SIPA1L1: variants seen among roughly 807,000 people sequenced by gnomAD.
SIPA1L1 encodes signal-induced proliferation-associated 1-like protein 1.
SIPA1L1 carries 26 observed loss-of-function variants against 162.7 expected under a neutral mutation model. The ratio of observed to expected loss-of-function variants is 0.16; its 90% CI spans 0.12 to 0.22. SIPA1L1 has a LOEUF of 0.22. SIPA1L1 is among the 10% of genes least tolerant of loss of function. The probability of loss-of-function intolerance (pLI) is 1.00; values close to 1 mark genes in which losing one functional copy is unlikely to be tolerated. For missense variants in SIPA1L1, 1,874 were observed against 2,241.0 expected (o/e 0.84, Z 3.31); for synonymous variants, 829 against 837.4 (o/e 0.99, Z 0.17).
At chr14:71,367,698 C>T (rs1374362870) in intron 2 of SIPA1L1, among the ~76,000 whole-genome samples, 3 of 150,672 alleles carry the variant, frequency 2.0e-5, no homozygotes, top group East Asian at 2.0e-4. Flanking sequence ...CCTCTGCCTC[C>T]GGGGTTCAAG....
chr14:71,581,983 A>G (rs1254045536), intron 4 of SIPA1L1, among the ~76,000 whole-genome samples: 2 of 151,750 alleles, frequency 1.3e-5, no homozygotes, highest in African/African-American at 2.4e-5. Flanking sequence ...AATGTAAGAG[A>G]TAAACATTGA....
At chr14:71,551,098 A>G (rs938995819) in intron 4 of SIPA1L1, among the ~76,000 whole-genome samples, 18 of 152,144 alleles carry the variant, frequency 1.2e-4, no homozygotes, top group African/African-American at 4.3e-4. Context: ...TTCCTTTATG[A>G]TATTTAGTCA....
chr14:71,600,694 T>C (rs992615354), intron 5 of SIPA1L1, among the ~76,000 whole-genome samples: 1 of 152,210 alleles, frequency 6.6e-6, no homozygotes, highest in African/African-American at 2.4e-5. Context: ...ATTTTAATGA[T>C]AATAATTCTT....
intron 13 of SIPA1L1, among the ~76,000 whole-genome samples, chr14:71,690,866 T>C (rs2081204657): frequency 7.9e-5 from 12 of 152,244 alleles, no homozygotes; most frequent in Admixed American, 7.8e-4. Context: ...ACTTTTCATA[T>C]TCCTGACTAC....
chr14:71,372,795 T>A (rs945778227), intron 2 of SIPA1L1, among the ~76,000 whole-genome samples: 1 of 152,196 alleles, frequency 6.6e-6, no homozygotes, highest in Admixed American at 6.5e-5. Flanking sequence ...TCACAGATTA[T>A]GCTTTACAAA....
intron 7 of SIPA1L1, among the ~76,000 whole-genome samples, chr14:71,633,810 A>G (rs1246440245): frequency 6.6e-6 from 1 of 152,226 alleles, no homozygotes. Flanking sequence ...ACTGGGGGAA[A>G]CAAATGAACA....
At chr14:71,526,779 T>C (rs1046862707) in intron 3 of SIPA1L1, among the ~76,000 whole-genome samples, 2 of 152,210 alleles carry the variant, frequency 1.3e-5, no homozygotes, top group Non-Finnish European at 2.9e-5. Flanking sequence ...ATATGAATAT[T>C]CCACAATTTG....
At chr14:71,709,687 T>C in intron 17 of SIPA1L1, 23 bp downstream of exon 17, 3 of 1,591,296 alleles carry the variant, frequency 1.9e-6, no homozygotes, top group Non-Finnish European at 2.6e-6. Context: ...CCCCGCTGTC[T>C]GATTCCCAGC....
intron 10 of SIPA1L1, among the ~76,000 whole-genome samples, chr14:71,670,705 G>A (rs936668484): frequency 2.0e-5 from 3 of 152,176 alleles, no homozygotes; most frequent in Non-Finnish European, 4.4e-5. Flanking sequence ...ACACATTTGT[G>A]TTCTCACAGA....
chr14:71,564,633 A>G (rs571637832), intron 4 of SIPA1L1, among the ~76,000 whole-genome samples: 2 of 151,872 alleles, frequency 1.3e-5, no homozygotes, highest in African/African-American at 4.8e-5. Flanking sequence ...GATTACAGGC[A>G]TGTGCCACCA....
In SIPA1L1 at chr14:71,739,137, C is replaced by T. The variant is rs144388709; in HGVS notation, c.5328C>T (p.Val1776=). 4.4e-5 allele frequency: 71 copies of T among 1,613,740 alleles called. No homozygotes were observed. In the African/African-American group the frequency reaches 8.0e-4, roughly 18 times the overall value. ...SDKLKKFTEW[V]FNTIDMS ...AGCTGAAGAAGTTCACAGAATGGGT[C>T]TTCAACACCATAGACATGAGCTAGG... The change falls in exon 24 of 24, where the codon GTC becomes GTT. Residue 1776 remains valine, a synonymous_variant. Coordinates refer to ENST00000381232, the MANE Select transcript of SIPA1L1 (RefSeq NM_001386936.1).
At chr14:71,730,403 A>C (rs1239648043) in intron 20 of SIPA1L1, 102 bp downstream of exon 20, 10 of 1,341,296 alleles carry the variant, frequency 7.5e-6, no homozygotes, top group Non-Finnish European at 1.0e-5. Context: ...TCCTGTATCC[A>C]TGCTCAGATG....
At chr14:71,586,247 A>G (rs566163531) in intron 4 of SIPA1L1, 118 of 150,366 alleles carry the variant, frequency 7.8e-4, no homozygotes, top group African/African-American at 1.6e-3. Context: ...TTTTTTTGAA[A>G]CACCCCTACA....
At chr14:71,722,595 A>T (rs2083846820) in intron 17 of SIPA1L1, among the ~76,000 whole-genome samples, 1 of 152,226 alleles carries the variant, frequency 6.6e-6, no homozygotes, top group South Asian at 2.1e-4. Flanking sequence ...AAAATCCTAC[A>T]GTTAAAGGCC....
chr14:71,737,747 C>T (rs1566771164), intron 22 of SIPA1L1, among the ~76,000 whole-genome samples: 1 of 152,156 alleles, frequency 6.6e-6, no homozygotes, highest in Non-Finnish European at 1.5e-5. Context: ...AGGCATGATA[C>T]CTTAGCTGCA....
intron 4 of SIPA1L1, among the ~76,000 whole-genome samples, chr14:71,580,229 G>C (rs1362665915): frequency 6.6e-6 from 1 of 152,168 alleles, no homozygotes; most frequent in Non-Finnish European, 1.5e-5. Context: ...TAGCACTTTA[G>C]TAAAGCTCTC....
intron 2 of SIPA1L1, among the ~76,000 whole-genome samples, chr14:71,398,813 C>G (rs2041431036): frequency 6.6e-6 from 1 of 152,158 alleles, no homozygotes; most frequent in African/African-American, 2.4e-5. Flanking sequence ...GTCCTTGCTG[C>G]TTTTACATAT....
At chr14:71,420,968 C>T (rs1157023146) in intron 2 of SIPA1L1, among the ~76,000 whole-genome samples, 4 of 152,296 alleles carry the variant, frequency 2.6e-5, no homozygotes, top group Non-Finnish European at 5.9e-5. Context: ...CTTCACACAT[C>T]GCACGTGTCT....
intron 2 of SIPA1L1, among the ~76,000 whole-genome samples, chr14:71,425,963 G>A (rs1205472753): frequency 2.0e-5 from 3 of 151,834 alleles, no homozygotes; most frequent in Non-Finnish European, 2.9e-5. Context: ...TTTAATGTAA[G>A]CGTTTTTGAC....
Sources: allele counts gnomAD v4.1 joint callset (sites outside exome capture counted in the v4.1 genomes callset), GRCh38; gene constraint gnomAD v4.1.1; transcripts MANE v1.5; gene names NCBI Gene and HGNC (gene_info 2026-07-23, HGNC 2026-07-21).